The following MAPK8 variants were observed in gnomAD, a reference collection of about 807,000 sequenced individuals.
MAPK8 encodes the protein JUN N-terminal kinase.
Under a neutral mutation model 52.9 loss-of-function variants are expected in MAPK8, and 13 were observed. The observed-to-expected ratio is 0.25, with a 90% CI of 0.16 to 0.39. MAPK8 has a LOEUF of 0.39. MAPK8 is among the 10% of genes least tolerant of loss of function. The pLI, the probability that MAPK8 is intolerant of heterozygous loss-of-function variation, is 1.00. For synonymous variants in MAPK8, 191 were observed against 169.8 expected (o/e 1.12, Z -0.97); for missense variants, 300 against 519.2 (o/e 0.58, Z 4.10).
chr10:48,332,278 G>A (rs911132970), intron 1 of MAPK8, among the ~76,000 whole-genome samples: 2 of 152,142 alleles, frequency 1.3e-5, no homozygotes, highest in African/African-American at 4.8e-5. Context: ...TAGTCTGGGA[G>A]GTCTTCCTCC....
In MAPK8 at chr10:48,434,990, T is replaced by G; in HGVS notation, c.1245T>G (p.Ser415Arg). 6.2e-7 allele frequency: 1 copy of G among 1,605,896 alleles called. No homozygotes were observed. Among genetic ancestry groups the G allele is most frequent in the Non-Finnish European group, 8.5e-7 (1 of 1,176,164 alleles). Residue 415 changes from serine (S) to arginine (R), a missense_variant, in exon 12 of 12, where the codon AGT (serine) becomes AGG (arginine). Physicochemically the swap from Ser to Arg is moderately radical, Grantham distance 110 (BLOSUM62 -1). Coordinates refer to ENST00000374189, the MANE Select transcript of MAPK8 (RefSeq NM_001323329.2). ...CTTTGGCCTCTGATACAGACAGCAG[T>G]CTAGAAGCAGCAGCTGGGCCTCTGG... ...DPTLASDTDS[S>R]LEAAAGPLGC... is the part of the protein sequence containing the mutation.
chr10:48,435,122 T>A lies in MAPK8; in HGVS notation c.*93T>A. 1.0e-6 allele frequency: 1 copy of A among 996,542 alleles called. No homozygotes were observed. Among genetic ancestry groups the A allele is most frequent in the Non-Finnish European group, 1.4e-6 (1 of 720,326 alleles). 61.7% of individuals were successfully genotyped at this position (996,542 alleles called of 1,614,324 possible). The stretch of plus-strand genomic sequence containing the variant: ...ACAATTCAGTGGTCTTATTTTTGGG[T>A]GATTTTTCAAAAAATGTAGAATTCA... On this transcript the variant is annotated 3_prime_UTR_variant, in exon 12 of 12. Coordinates refer to ENST00000374189, the MANE Select transcript of MAPK8 (RefSeq NM_001323329.2).
intron 1 of MAPK8, among the ~76,000 whole-genome samples, chr10:48,326,496 T>G (rs1052313189): frequency 6.6e-6 from 1 of 152,172 alleles, no homozygotes; most frequent in African/African-American, 2.4e-5. Flanking sequence ...GAGCACTGTT[T>G]CCTTTAATTA....
At chr10:48,313,249 A>G (rs1260960824) in intron 1 of MAPK8, among the ~76,000 whole-genome samples, 1 of 152,192 alleles carries the variant, frequency 6.6e-6, no homozygotes, top group Non-Finnish European at 1.5e-5. Context: ...CTTGGCCAAC[A>G]TAGTGATACC....
Position 48,433,319 on chromosome 10 carries a change from A to G in MAPK8, c.1139-1565A>G, listed in dbSNP as rs2044518799. Among the ~76,000 whole-genome samples, 3 of 152,242 alleles carry G rather than the reference A, an allele frequency of 2.0e-5. No homozygotes were observed. In the South Asian group the frequency reaches 6.2e-4, roughly 32 times the overall value. ...TAGACCCTGAACTAGAGGCATATAT[A>G]AAAATTGTATATGTTGGAGCCCTTT... On this transcript the variant is annotated intron_variant, in intron 11 of 11. Coordinates refer to ENST00000374189, the MANE Select transcript of MAPK8 (RefSeq NM_001323329.2).
chr10:48,359,761 C>A (rs1847346690), intron 1 of MAPK8, among the ~76,000 whole-genome samples: 1 of 152,044 alleles, frequency 6.6e-6, no homozygotes, highest in Admixed American at 6.6e-5. Context: ...AAAATCAGTT[C>A]CAGGTTGAAT....
intron 1 of MAPK8, among the ~76,000 whole-genome samples, chr10:48,385,715 G>T (rs1043264272): frequency 1.3e-5 from 2 of 152,020 alleles, no homozygotes; most frequent in Admixed American, 1.3e-4. Context: ...ATTGATACAG[G>T]TTCATTAGCT....
chr10:48,319,887 C>T (rs1291536778), intron 1 of MAPK8, among the ~76,000 whole-genome samples: 1 of 151,820 alleles, frequency 6.6e-6, no homozygotes, highest in Non-Finnish European at 1.5e-5. Context: ...GTTCATGTAT[C>T]ATGTATCAGT....
At chr10:48,356,057 G>A (rs934634411) in intron 1 of MAPK8, among the ~76,000 whole-genome samples, 1 of 136,628 alleles carries the variant, frequency 7.3e-6, no homozygotes, top group African/African-American at 2.6e-5. Flanking sequence ...TTAGAAGTGT[G>A]TACTCTAGGC....
intron 1 of MAPK8, among the ~76,000 whole-genome samples, chr10:48,333,455 A>G (rs1473650884): frequency 6.6e-6 from 1 of 152,238 alleles, no homozygotes; most frequent in African/African-American, 2.4e-5. Flanking sequence ...CAAAAGCAGC[A>G]GGTTGCCTTT....
chr10:48,346,782 C>T (rs891694600), intron 1 of MAPK8, among the ~76,000 whole-genome samples: 27 of 152,142 alleles, frequency 1.8e-4, no homozygotes, highest in African/African-American at 6.3e-4. Flanking sequence ...ACTGATAGTC[C>T]CTGATATGCA....
intron 1 of MAPK8, among the ~76,000 whole-genome samples, chr10:48,399,230 C>G (rs1345959833): frequency 1.3e-5 from 2 of 152,180 alleles, no homozygotes; most frequent in African/African-American, 4.8e-5. Flanking sequence ...TTTTTCTGTC[C>G]TAGCTGCAAC....
At chr10:48,416,484 C>T (rs1475630004) in intron 5 of MAPK8, among the ~76,000 whole-genome samples, 1 of 152,154 alleles carries the variant, frequency 6.6e-6, no homozygotes, top group Non-Finnish European at 1.5e-5. Context: ...CCCTTTATTC[C>T]ACACCTTCTT....
chr10:48,311,447 G>A (rs1242541617), intron 1 of MAPK8, among the ~76,000 whole-genome samples: 1 of 152,116 alleles, frequency 6.6e-6, no homozygotes, highest in Non-Finnish European at 1.5e-5. Flanking sequence ...AAATATTGAA[G>A]GGAACATATT....
chr10:48,316,728 T>C (rs1277684089), intron 1 of MAPK8, among the ~76,000 whole-genome samples: 1 of 152,204 alleles, frequency 6.6e-6, no homozygotes, highest in African/African-American at 2.4e-5. Flanking sequence ...TATAAAATTA[T>C]ATGGTAGTTA....
intron 1 of MAPK8, among the ~76,000 whole-genome samples, chr10:48,345,547 C>A (rs185959940): frequency 6.6e-6 from 1 of 152,112 alleles, no homozygotes; most frequent in Non-Finnish European, 1.5e-5. Context: ...GAAAATGATA[C>A]GTAAACTTCT....
intron 10 of MAPK8, chr10:48,430,925 T>C: frequency 2.2e-6 from 1 of 456,428 alleles, no homozygotes; most frequent in Non-Finnish European, 3.9e-6. Context: ...AAAAGAAAGC[T>C]TCTACCCCAG....
intron 5 of MAPK8, among the ~76,000 whole-genome samples, chr10:48,416,666 T>C (rs17010447): frequency 0.038 from 5,836 of 152,272 alleles, 120 homozygotes; most frequent in African/African-American, 0.047. Flanking sequence ...GCCAGTGTTA[T>C]CACAGTGAAC....
chr10:48,318,337 A>G (rs746794915), intron 1 of MAPK8, among the ~76,000 whole-genome samples: 45 of 152,212 alleles, frequency 3.0e-4, no homozygotes, highest in African/African-American at 9.2e-4. Flanking sequence ...CTTCACAGCA[A>G]CTACATTAGT....
Sources: allele counts gnomAD v4.1 joint callset (sites outside exome capture counted in the v4.1 genomes callset), GRCh38; gene constraint gnomAD v4.1.1; transcripts MANE v1.5; gene names NCBI Gene and HGNC (gene_info 2026-07-23, HGNC 2026-07-21).